The following LRBA variants were observed in gnomAD, a reference collection of about 807,000 sequenced individuals.
The protein encoded by LRBA is LPS responsive beige-like anchor protein.
In LRBA, 176 loss-of-function variants were observed where a neutral mutation model predicts 330.0. That is an observed-to-expected ratio of 0.53 (90% confidence interval 0.47 to 0.60). LRBA has a LOEUF of 0.60. Ranked by LOEUF, LRBA falls within the 20% of genes least tolerant of loss-of-function variation. LRBA has a pLI of 0.00. For missense variants in LRBA, 3,259 were observed against 3,444.8 expected, an observed-to-expected ratio of 0.95 and a Z score of 1.35; for synonymous variants, 1,230 against 1,193.0, an observed-to-expected ratio of 1.03 and a Z score of -0.64.
At chr4:150,406,315 T>C (rs1336684492) in intron 47 of LRBA, among the ~76,000 whole-genome samples, 2 of 152,190 alleles carry the variant, frequency 1.3e-5, no homozygotes, top group African/African-American at 4.8e-5. Flanking sequence ...TTCTGGATTA[T>C]GCTATTGGAT....
chr4:150,470,840 T>TACACAC (rs146604033), intron 43 of LRBA, among the ~76,000 whole-genome samples: 32 of 140,666 alleles, frequency 2.3e-4, no homozygotes, highest in African/African-American at 8.1e-4. Flanking sequence ...CCCTCATTAC[T>TACACAC]ACACACACAC....
intron 53 of LRBA, among the ~76,000 whole-genome samples, chr4:150,289,251 T>C (rs879688275): frequency 6.6e-6 from 1 of 152,164 alleles, no homozygotes; most frequent in Non-Finnish European, 1.5e-5. Context: ...TAATCCAAAC[T>C]TTATTAAATC....
At chr4:150,796,935 G>A (rs1740874124) in intron 34 of LRBA, among the ~76,000 whole-genome samples, 1 of 151,820 alleles carries the variant, frequency 6.6e-6, no homozygotes, top group Non-Finnish European at 1.5e-5. Context: ...TATCTAGTCA[G>A]CTTTTGAAGA....
intron 2 of LRBA, among the ~76,000 whole-genome samples, chr4:150,998,477 T>C (rs546623774): frequency 2.0e-4 from 31 of 151,856 alleles, no homozygotes; most frequent in African/African-American, 7.2e-4. Context: ...CCTCACCATC[T>C]CCAGTGGGTA....
intron 36 of LRBA, among the ~76,000 whole-genome samples, chr4:150,719,917 G>A (rs1728707763): frequency 6.6e-6 from 1 of 152,128 alleles, no homozygotes; most frequent in South Asian, 2.1e-4. Context: ...CATGAGAACT[G>A]TCTATAGTCT....
chr4:150,328,812 A>G (rs79113658), intron 48 of LRBA, among the ~76,000 whole-genome samples: 8,404 of 152,236 alleles, frequency 0.055, 572 homozygotes, highest in African/African-American at 0.16. Flanking sequence ...TTGAAGAGAG[A>G]ATGGGCAGTA....
chr4:150,982,200 T>A (rs183572280), intron 2 of LRBA, among the ~76,000 whole-genome samples: 1 of 152,276 alleles, frequency 6.6e-6, no homozygotes, highest in Admixed American at 6.5e-5. Context: ...GTATGATCGA[T>A]CTGGTCTTCA....
At chr4:150,429,513 T>G (rs554698646) in intron 46 of LRBA, among the ~76,000 whole-genome samples, 1 of 152,232 alleles carries the variant, frequency 6.6e-6, no homozygotes, top group South Asian at 2.1e-4. Context: ...GGGGGAAGAC[T>G]GTAAGAATAG....
intron 53 of LRBA, among the ~76,000 whole-genome samples, chr4:150,299,327 A>G (rs1729359018): frequency 1.3e-5 from 2 of 152,104 alleles, no homozygotes; most frequent in Non-Finnish European, 2.9e-5. Flanking sequence ...AAAAAACTGC[A>G]TTCCACAGGA....
chr4:150,471,810 T>A, intron 42 of LRBA, 71 bp from the exon 43 acceptor site: 2 of 773,048 alleles, frequency 2.6e-6, no homozygotes, highest in Non-Finnish European at 4.5e-6. Flanking sequence ...TATCTGTGCT[T>A]ATTCATTCAT....
At position 150,304,457 on chromosome 4, in the gene LRBA, A is replaced by G. The variant is rs1730095109; in HGVS notation, c.7850-1665T>C. Among the ~76,000 whole-genome samples the G allele has an allele frequency of 2.6e-5, 4 of 152,142 alleles. No homozygotes were observed. The South Asian group carries it at 8.3e-4, about 32-fold the overall frequency. ...ATAGCCTACTTCTAATAAATTTAAA[A>G]TCAGATTCACTTCAATCTCAAGTTG... On this transcript the variant is annotated intron_variant, in intron 52 of 56. Coordinates refer to ENST00000651943, the MANE Select transcript of LRBA (RefSeq NM_001364905.1).
intron 36 of LRBA, among the ~76,000 whole-genome samples, chr4:150,687,273 A>T (rs1205483955): frequency 6.6e-6 from 1 of 152,138 alleles, no homozygotes; most frequent in Non-Finnish European, 1.5e-5. Flanking sequence ...TATTTACTCT[A>T]GAATCAAATA....
At chr4:150,948,003 T>A (rs1355752417) in intron 2 of LRBA, among the ~76,000 whole-genome samples, 1 of 151,778 alleles carries the variant, frequency 6.6e-6, no homozygotes, top group Non-Finnish European at 1.5e-5. Flanking sequence ...TCAAAGAAGA[T>A]CTAAATAAAT....
chr4:150,331,829 A>G (rs1179954536), intron 48 of LRBA, among the ~76,000 whole-genome samples: 1 of 152,174 alleles, frequency 6.6e-6, no homozygotes, highest in East Asian at 1.9e-4. Context: ...GCACCACAGC[A>G]TAGGATTAAG....
rs550990232 is a variant in LRBA at position 150,426,158 on chromosome 4, T to C, written c.7041+9431A>G. On this transcript the variant is annotated intron_variant, in intron 46 of 56. Transcript: ENST00000651943. ...TAATAGTTATTTTAAATCAACTGCATATCTGAAAGCTTTCAAGTTGATATT... is the reference window on the plus strand; with the variant it reads ...TAATAGTTATTTTAAATCAACTGCACATCTGAAAGCTTTCAAGTTGATATT... 2.0e-5 allele frequency among the ~76,000 whole-genome samples: 3 copies of C among 152,174 alleles called. No homozygotes were observed. In the South Asian group the frequency reaches 6.2e-4, roughly 32 times the overall value.
At chr4:150,444,705 C>T (rs1175084880) in intron 44 of LRBA, among the ~76,000 whole-genome samples, 1 of 152,172 alleles carries the variant, frequency 6.6e-6, no homozygotes, top group Non-Finnish European at 1.5e-5. Context: ...CCCTTGAAAA[C>T]ACATCTTCTT....
intron 40 of LRBA, among the ~76,000 whole-genome samples, chr4:150,564,751 ATATG>A (rs1468284131): frequency 6.6e-6 from 1 of 152,226 alleles, no homozygotes; most frequent in African/African-American, 2.4e-5. Context: ...TCAAAAGAAG[ATATG>A]TATGTGGCTA....
intron 17 of LRBA, among the ~76,000 whole-genome samples, chr4:150,880,409 A>G (rs545812420): frequency 5.9e-5 from 9 of 152,122 alleles, no homozygotes; most frequent in Admixed American, 1.3e-4. Context: ...AATCCCAGCT[A>G]CCTGGGAGGC....
intron 30 of LRBA, among the ~76,000 whole-genome samples, chr4:150,824,841 C>T (rs1053546007): frequency 1.8e-4 from 27 of 152,040 alleles, no homozygotes; most frequent in Admixed American, 1.4e-3. Context: ...GTGGCATGAA[C>T]ACAGCTCACT....
Sources: allele counts gnomAD v4.1 joint callset (sites outside exome capture counted in the v4.1 genomes callset), GRCh38; gene constraint gnomAD v4.1.1; transcripts MANE v1.5; gene names NCBI Gene and HGNC (gene_info 2026-07-23, HGNC 2026-07-21).